Variants in DSCAM observed in about 807,000 individuals in gnomAD.
DSCAM encodes cell adhesion molecule DSCAM.
DSCAM carries 47 observed loss-of-function variants against 217.7 expected under a neutral mutation model. The ratio of observed to expected loss-of-function variants is 0.22; its 90% CI spans 0.17 to 0.28. DSCAM has a LOEUF of 0.28. DSCAM is among the 10% of genes least tolerant of loss of function. The pLI, the probability that DSCAM is intolerant of heterozygous loss-of-function variation, is 1.00. For synonymous variants in DSCAM, 1,056 were observed against 1,015.3 expected (o/e 1.04, Z -0.76); for missense variants, 2,080 against 2,618.3 (o/e 0.79, Z 4.49).
intron 1 of DSCAM, among the ~76,000 whole-genome samples, chr21:40,840,661 C>T (rs1243821928): frequency 2.6e-5 from 4 of 152,084 alleles, no homozygotes; most frequent in Non-Finnish European, 5.9e-5. Flanking sequence ...GAAGAAAATG[C>T]CCCAAGCCAC....
Position 40,018,488 on chromosome 21 carries a change from A to AATC in DSCAM, c.5687-5105_5687-5103dup, listed in dbSNP as rs2088204793. On this transcript the variant is annotated intron_variant, in intron 32 of 32. Transcript: ENST00000400454. ...TCATGCTCTTTCTGAGACCCGACTCAATCACGAACGCTTGACATATTTGTA... is the reference window on the plus strand; with the variant it reads ...TCATGCTCTTTCTGAGACCCGACTCAATCATCACGAACGCTTGACATATTTGTA... Among the ~76,000 whole-genome samples, 9 of 152,332 alleles carry AATC rather than the reference A, an allele frequency of 5.9e-5. No individual in the cohort carries two copies. The South Asian group carries it at 1.9e-3, about 32-fold the overall frequency.
chr21:40,461,721 A>G (rs1363054796), intron 3 of DSCAM, among the ~76,000 whole-genome samples: 2 of 152,234 alleles, frequency 1.3e-5, no homozygotes, highest in Non-Finnish European at 2.9e-5. Context: ...CGTGGGTCCA[A>G]GGTAATCATG....
At chr21:40,783,676 A>G (rs1394508380) in intron 1 of DSCAM, among the ~76,000 whole-genome samples, 2 of 152,208 alleles carry the variant, frequency 1.3e-5, no homozygotes, top group Non-Finnish European at 2.9e-5. Flanking sequence ...CGAGCAATGG[A>G]GTGGACAGCA....
At chr21:40,376,687 T>TCTATATCTATATATCTTATATAGATATCG (rs1569093285) in intron 3 of DSCAM, among the ~76,000 whole-genome samples, 1 of 78,964 alleles carries the variant, frequency 1.3e-5, no homozygotes, top group African/African-American at 4.6e-5. Flanking sequence ...ATATATCATA[T>TCTATATCTATATATCTTATATAGATATCG]ATATCATATA....
chr21:40,093,716 C>A lies in DSCAM; in HGVS notation c.3850+5G>T. ...GGAAATGAGGTCCTTATAGCCACTGCCTACCTTTTGCTAGTGGCTCGACTG... is the reference window on the plus strand; with the variant it reads ...GGAAATGAGGTCCTTATAGCCACTGACTACCTTTTGCTAGTGGCTCGACTG... On this transcript the variant is annotated splice_donor_5th_base_variant and intron_variant, in intron 21 of 32. Transcript: ENST00000400454. 6.2e-7 allele frequency: 1 copy of A among 1,613,844 alleles called. No homozygotes were observed. The highest frequency in any genetic ancestry group is 1.7e-4 in the Middle Eastern group (1 of 6,058).
chr21:40,439,716 T>G (rs901821941), intron 3 of DSCAM, among the ~76,000 whole-genome samples: 1 of 152,170 alleles, frequency 6.6e-6, no homozygotes, highest in African/African-American at 2.4e-5. Context: ...ACAGTTATGA[T>G]GGCAGGCAAG....
At chr21:40,339,889 G>C (rs892245018) in intron 6 of DSCAM, among the ~76,000 whole-genome samples, 1 of 51,078 alleles carries the variant, frequency 2.0e-5, no homozygotes, top group Non-Finnish European at 5.3e-5. Flanking sequence ...AGTTATTTGG[G>C]GTTTTCTCAC....
chr21:40,511,246 T>G (rs867139969), intron 3 of DSCAM, among the ~76,000 whole-genome samples: 2 of 152,272 alleles, frequency 1.3e-5, no homozygotes, highest in Middle Eastern at 3.4e-3. Context: ...CCTTATTTTA[T>G]AGATAAAGAA....
At chr21:40,574,695 T>G (rs1387330264) in intron 3 of DSCAM, among the ~76,000 whole-genome samples, 1 of 146,564 alleles carries the variant, frequency 6.8e-6, no homozygotes, top group Non-Finnish European at 1.5e-5. Context: ...GAGAATCACA[T>G]AAGGTGCCTG....
rs189327732 is a variant in DSCAM, at chr21:40,318,079, G to A, written c.1784-5720C>T. ...TTTCTTAATCCAGTCTATCATTGTC[G>A]CAAGGACAAAAAACCAAACACCGCA... On this transcript the variant is annotated intron_variant, in intron 8 of 32. Transcript: ENST00000400454. Among the ~76,000 whole-genome samples the A allele has an allele frequency of 7.5e-4, 112 of 149,166 alleles. 1 individual carries two copies. Among genetic ancestry groups the A allele is most frequent in the African/African-American group, 2.1e-3 (84 of 40,670 alleles).
At chr21:40,236,256 A>C (rs963562787) in intron 11 of DSCAM, among the ~76,000 whole-genome samples, 1 of 152,188 alleles carries the variant, frequency 6.6e-6, no homozygotes, top group Non-Finnish European at 1.5e-5. Context: ...TGGCCCAAAG[A>C]GGAAACTTAA....
intron 11 of DSCAM, among the ~76,000 whole-genome samples, chr21:40,213,649 C>G (rs1398195867): frequency 6.6e-6 from 1 of 152,094 alleles, no homozygotes; most frequent in Non-Finnish European, 1.5e-5. Flanking sequence ...CGAAGGGAAA[C>G]CTGGCTTGGA....
intron 11 of DSCAM, among the ~76,000 whole-genome samples, chr21:40,274,782 C>T (rs949013585): frequency 1.1e-4 from 16 of 152,058 alleles, no homozygotes; most frequent in African/African-American, 3.9e-4. Flanking sequence ...AATTATAATC[C>T]ATTTCACAAT....
intron 1 of DSCAM, among the ~76,000 whole-genome samples, chr21:40,820,250 CACAGATA>C (rs2091914177): frequency 6.6e-6 from 1 of 152,054 alleles, no homozygotes; most frequent in African/African-American, 2.4e-5. Context: ...GAAAATGTGG[CACAGATA>C]TACCATGGAA....
intron 16 of DSCAM, among the ~76,000 whole-genome samples, chr21:40,157,327 C>A (rs1470361171): frequency 1.3e-5 from 2 of 152,142 alleles, no homozygotes; most frequent in African/African-American, 4.8e-5. Flanking sequence ...CAGACTCGTA[C>A]AGGACAGTGC....
At chr21:40,683,591 G>A (rs1391623597) in intron 3 of DSCAM, among the ~76,000 whole-genome samples, 1 of 152,176 alleles carries the variant, frequency 6.6e-6, no homozygotes, top group Non-Finnish European at 1.5e-5. Flanking sequence ...TGAAGCAACA[G>A]AGGGCACAGC....
chr21:40,501,665 C>T (rs1422758834), intron 3 of DSCAM, among the ~76,000 whole-genome samples: 1 of 152,202 alleles, frequency 6.6e-6, no homozygotes, highest in South Asian at 2.1e-4. Flanking sequence ...GATCTCTGCT[C>T]ACAGCAACCT....
chr21:40,168,188 GTGCAATAA>G (rs1217781101), intron 15 of DSCAM, among the ~76,000 whole-genome samples: 2 of 152,214 alleles, frequency 1.3e-5, no homozygotes, highest in African/African-American at 2.4e-5. Flanking sequence ...TCTGCTGAGT[GTGCAATAA>G]GTCAGTGGGC....
At chr21:40,185,237 G>A (rs2090880694) in intron 14 of DSCAM, among the ~76,000 whole-genome samples, 1 of 152,212 alleles carries the variant, frequency 6.6e-6, no homozygotes, top group Admixed American at 6.5e-5. Flanking sequence ...TCTATGGAGG[G>A]GGTAGTAACT....
Sources: allele counts gnomAD v4.1 joint callset (sites outside exome capture counted in the v4.1 genomes callset), GRCh38; gene constraint gnomAD v4.1.1; transcripts MANE v1.5; gene names NCBI Gene and HGNC (gene_info 2026-07-23, HGNC 2026-07-21).